MMP20: variants seen among roughly 807,000 people sequenced by gnomAD.
MMP20 encodes the protein matrix metalloproteinase-20.
A neutral mutation model predicts 51.8 loss-of-function variants in MMP20; 50 were observed. The observed-to-expected ratio is 0.97, with a 90% CI of 0.77 to 1.22. The LOEUF (loss-of-function observed/expected upper bound fraction) is 1.22, where lower values mean the gene tolerates loss of function less well. Among genes scored for constraint, MMP20 ranks in the 50% most tolerant of loss-of-function variants. The pLI, the probability that MMP20 is intolerant of heterozygous loss-of-function variation, is 0.00. For synonymous variants in MMP20, 244 were observed against 216.2 expected (o/e 1.13, Z -1.13); for missense variants, 663 against 601.4 (o/e 1.10, Z -1.07).
intron 3 of MMP20, among the ~76,000 whole-genome samples, chr11:102,611,296 A>G (rs1368757049): frequency 6.6e-6 from 1 of 152,182 alleles, no homozygotes; most frequent in African/African-American, 2.4e-5. Flanking sequence ...CAAGACAGAA[A>G]CGATACTTTC....
chr11:102,603,254 A>G (rs1407155523), intron 6 of MMP20, among the ~76,000 whole-genome samples: 15 of 152,196 alleles, frequency 9.9e-5, no homozygotes, highest in Admixed American at 9.8e-4. Context: ...CGCTTTCATA[A>G]TCAGTGGCTC....
rs201263606 is a variant in MMP20 at position 102,617,084 on chromosome 11, C to T, written c.127-25G>A. ...CCTGAAATGGAGAGGCAGGCTGACG[C>T]GTCTACAGCGTAGTCTGGGAAATAC... On this transcript the variant is annotated intron_variant, in intron 1 of 9. Transcript: ENST00000260228. 1,214 of 1,614,010 alleles carry T rather than the reference C, an allele frequency of 7.5e-4. 21 individuals are homozygous for T. In the South Asian group the frequency reaches 0.01, roughly 14 times the overall value.
chr11:102,589,436 A>AT (rs1389607295), intron 8 of MMP20, among the ~76,000 whole-genome samples: 1 of 152,086 alleles, frequency 6.6e-6, no homozygotes, highest in African/African-American at 2.4e-5. Context: ...TCTGTTAGTT[A>AT]TTTATCTATA....
intron 2 of MMP20, among the ~76,000 whole-genome samples, chr11:102,613,027 G>A (rs1055444785): frequency 2.6e-5 from 4 of 152,104 alleles, no homozygotes; most frequent in Non-Finnish European, 4.4e-5. Flanking sequence ...GTGAGCCACT[G>A]CCCCCAGCCC....
Position 102,610,022 on chromosome 11 carries a change from C to A in MMP20, c.532G>T (p.Asp178Tyr). ...CGAGGCCCATCGAATGGATAGGAAT[C>A]CCCGTGATCTAAACAAGTGGGGAGA... is the stretch of plus-strand genomic sequence containing the variant. ...MISFENGDHG[D>Y]SYPFDGPRGT... is the part of the protein sequence containing the mutation. Residue 178 changes from aspartate to tyrosine, a missense_variant, in exon 4 of 10, where the codon GAT becomes TAT. Physicochemically the swap from Asp to Tyr is radical, Grantham distance 160. Transcript: ENST00000260228. 1 of 1,614,070 alleles carries A rather than the reference C, an allele frequency of 6.2e-7. No homozygotes were observed. The highest frequency in any genetic ancestry group is 1.1e-5 in the South Asian group (1 of 91,068).
At position 102,589,339 on chromosome 11, in the gene MMP20, A is replaced by G. The variant is rs562435472; in HGVS notation, c.1247+4100T>C. ...CTTCCTCTAAGAATTATTTCCTGAT[A>G]ATTTTGCTAAGTTGGCCATTTCCTC... is the stretch of plus-strand genomic sequence containing the variant. On this transcript the variant is annotated intron_variant, in intron 8 of 9. Coordinates refer to ENST00000260228, the MANE Select transcript of MMP20 (RefSeq NM_004771.4). Among the ~76,000 whole-genome samples, 24 of 152,232 alleles carry G rather than the reference A, an allele frequency of 1.6e-4. No homozygotes were observed. In the South Asian group the frequency reaches 4.4e-3, roughly 28 times the overall value.
rs759872481 is a variant in MMP20 at position 102,593,593 on chromosome 11, G to T, written c.1093C>A (p.Pro365Thr). ...ERGTAYFFKG[P>T]HYWITRGFQM... ...AATCCTCTTGTTATCCAGTAGTGGG[G>T]ACCTGAAAACAGAAATTAAAGTTTA... The change falls in exon 8 of 10, where the codon CCC becomes ACC. Residue 365 changes from proline (P) to threonine (T), a missense_variant and splice_region_variant. By Grantham distance (38) the Pro-to-Thr change is conservative. Transcript: ENST00000260228. 1.2e-6 allele frequency: 2 copies of T among 1,613,998 alleles called. No individual in the cohort carries two copies. Among genetic ancestry groups the T allele is most frequent in the Non-Finnish European group, 1.7e-6 (2 of 1,179,944 alleles).
chr11:102,619,218 T>A (rs1256078531), intron 1 of MMP20, among the ~76,000 whole-genome samples: 1 of 152,122 alleles, frequency 6.6e-6, no homozygotes, highest in Non-Finnish European at 1.5e-5. Flanking sequence ...CTTGTGGTAA[T>A]GTCTGAATTA....
rs1218611402 is a variant in MMP20 at position 102,612,762 on chromosome 11, G to A, written c.375-859C>T. 2.2e-5 allele frequency among the ~76,000 whole-genome samples: 3 copies of A among 136,948 alleles called. No homozygotes were observed. The Admixed American group carries it at 2.3e-4, about 11-fold the overall frequency. The allele number at this position is 136,948 out of a possible 152,430, so 89.8% of individuals were successfully genotyped here. A position where few individuals can be genotyped will look rare whatever the true frequency, so the allele number is the denominator to read the frequency against. ...TCTTTTTTTTTTTTTTTGAGATGGA[G>A]TTTTGCTCTTGTCGCCCAGGCTGGA... On this transcript the variant is annotated intron_variant, in intron 2 of 9. Transcript: ENST00000260228.
Position 102,622,799 on chromosome 11 carries a change from G to T in MMP20, c.126+2395C>A, listed in dbSNP as rs76754914. Among the ~76,000 whole-genome samples the T allele has an allele frequency of 6.8e-3, 1,030 of 152,334 alleles. 18 individuals carry two copies. Among genetic ancestry groups the T allele is most frequent in the African/African-American group, 0.024 (981 of 41,574 alleles). ...TTCTCCAGCATATGCCATGCTGTAAGCATTCAATACATGAACTTATGCTGC... is the reference window on the plus strand; with the variant it reads ...TTCTCCAGCATATGCCATGCTGTAATCATTCAATACATGAACTTATGCTGC... On this transcript the variant is annotated intron_variant, in intron 1 of 9. Coordinates refer to ENST00000260228, the MANE Select transcript of MMP20 (RefSeq NM_004771.4).
intron 6 of MMP20, among the ~76,000 whole-genome samples, chr11:102,598,843 C>T (rs902667587): frequency 2.6e-5 from 4 of 152,180 alleles, no homozygotes; most frequent in Admixed American, 2.6e-4. Context: ...CCCCATCAGA[C>T]TTTCATTTTC....
chr11:102,616,109 G>T (rs1178859085), intron 2 of MMP20, among the ~76,000 whole-genome samples: 29 of 152,150 alleles, frequency 1.9e-4, no homozygotes, highest in Admixed American at 1.9e-3. Context: ...GAAGCCAGAG[G>T]ATTAGGGGAG....
chr11:102,576,994 C>T lies in MMP20; in HGVS notation c.*332G>A, dbSNP rs1039779456. Reference sequence around the variant, plus strand: ...ATTACAATATATGTCATGGAATCCACCACTAGTCTTCCTCCTGGAAATAAA... The same window carrying T: ...ATTACAATATATGTCATGGAATCCATCACTAGTCTTCCTCCTGGAAATAAA... On this transcript the variant is annotated 3_prime_UTR_variant, in exon 10 of 10. Transcript: ENST00000260228. 3 of 301,276 alleles carry T rather than the reference C, an allele frequency of 1.0e-5. No individual in the cohort carries two copies. Among genetic ancestry groups the T allele is most frequent in the South Asian group, 3.6e-5 (1 of 27,962 alleles). 18.7% of individuals were successfully genotyped at this position (301,276 alleles called of 1,614,324 possible). A position where few individuals can be genotyped will look rare whatever the true frequency, so the allele number is the denominator to read the frequency against.
At chr11:102,590,886 G>A (rs1262247917) in intron 8 of MMP20, among the ~76,000 whole-genome samples, 3 of 152,092 alleles carry the variant, frequency 2.0e-5, no homozygotes, top group Admixed American at 6.5e-5. Context: ...AGGCAACCAC[G>A]AGAATGCAAG....
At chr11:102,617,635 A>C (rs1859691745) in intron 1 of MMP20, among the ~76,000 whole-genome samples, 1 of 152,116 alleles carries the variant, frequency 6.6e-6, no homozygotes, top group African/African-American at 2.4e-5. Context: ...AGATGTGTTT[A>C]GTATGTGGGC....
chr11:102,606,415 G>T (rs560069813), intron 6 of MMP20, 120 bp downstream of exon 6: 3 of 1,336,494 alleles, frequency 2.2e-6, no homozygotes, highest in African/African-American at 2.9e-5. Flanking sequence ...CCCTTCTGCT[G>T]CATAGGACAG....
At chr11:102,608,614 A>G (rs1449342387) in intron 5 of MMP20, among the ~76,000 whole-genome samples, 1 of 152,234 alleles carries the variant, frequency 6.6e-6, no homozygotes, top group Non-Finnish European at 1.5e-5. Context: ...GGTAAGCACC[A>G]CATATATGAA....
intron 9 of MMP20, 35 bp downstream of exon 9, chr11:102,579,004 T>G: frequency 2.7e-6 from 4 of 1,457,788 alleles, no homozygotes; most frequent in Non-Finnish European, 3.9e-6. Context: ...CTTATGATAG[T>G]TTTCATGAAG....
chr11:102,583,038 C>T (rs531504033), intron 8 of MMP20, among the ~76,000 whole-genome samples: 1 of 152,160 alleles, frequency 6.6e-6, no homozygotes, highest in Non-Finnish European at 1.5e-5. Context: ...ATGTCCAAAT[C>T]TCTTCTGATA....
Sources: gnomAD v4.1 joint callset for allele counts (sites outside exome capture counted in the v4.1 genomes callset) on GRCh38, gnomAD v4.1.1 for gene constraint, MANE v1.5 for transcripts, NCBI Gene and HGNC (gene_info 2026-07-23, HGNC 2026-07-21) for gene names.